FHOD3: variants seen among roughly 807,000 people sequenced by gnomAD.
FHOD3 encodes the protein FH1/FH2 domain-containing protein 3.
FHOD3 carries 90 observed loss-of-function variants against 173.0 expected under a neutral mutation model. The observed-to-expected ratio is 0.52, with a 90% CI of 0.44 to 0.62. The LOEUF (loss-of-function observed/expected upper bound fraction) is 0.62. FHOD3 is among the 20% of genes least tolerant of loss of function. The pLI is 0.00. For missense variants in FHOD3, 1,945 were observed against 2,034.7 expected (o/e 0.96, Z 0.85); for synonymous variants, 828 against 823.0 (o/e 1.01, Z -0.10).
At chr18:36,535,094 T>C (rs2056942520) in intron 5 of FHOD3, among the ~76,000 whole-genome samples, 1 of 152,242 alleles carries the variant, frequency 6.6e-6, no homozygotes, top group Non-Finnish European at 1.5e-5. Flanking sequence ...TTTAAAAATA[T>C]TGCTGTTATC....
intron 8 of FHOD3, among the ~76,000 whole-genome samples, chr18:36,604,493 G>T (rs1408831955): frequency 2.6e-5 from 4 of 152,166 alleles, no homozygotes; most frequent in Non-Finnish European, 5.9e-5. Context: ...TCAGTGTATA[G>T]AACAACTCAC....
intron 6 of FHOD3, among the ~76,000 whole-genome samples, chr18:36,592,660 T>G (rs926400155): frequency 6.6e-6 from 1 of 152,162 alleles, no homozygotes; most frequent in Non-Finnish European, 1.5e-5. Context: ...ACTTAGGCTC[T>G]TCCAGCACTG....
intron 5 of FHOD3, among the ~76,000 whole-genome samples, chr18:36,560,401 G>A (rs1365584679): frequency 3.3e-5 from 5 of 152,210 alleles, no homozygotes; most frequent in Non-Finnish European, 2.9e-5. Context: ...AACATTGCTT[G>A]TTTGGCAAGA....
intron 7 of FHOD3, among the ~76,000 whole-genome samples, chr18:36,596,117 T>C (rs891050465): frequency 2.6e-5 from 4 of 152,080 alleles, no homozygotes; most frequent in Non-Finnish European, 5.9e-5. Context: ...CACTTTTGAT[T>C]CAAACCATTT....
rs745404897 is a variant in FHOD3, at chr18:36,420,012, C to T, written c.337+47268C>T. ...CCGGAGGCATCTGATGCCTCCCAAC[C>T]GGCTACCCTGCTAAGTTACACTTGA... On this transcript the variant is annotated intron_variant, in intron 3 of 28. Coordinates refer to ENST00000590592, the MANE Select transcript of FHOD3 (RefSeq NM_001281740.3). 3.9e-5 allele frequency among the ~76,000 whole-genome samples: 6 copies of T among 152,192 alleles called. No individual in the cohort carries two copies. In the East Asian group the frequency reaches 5.8e-4, roughly 15 times the overall value.
intron 5 of FHOD3, among the ~76,000 whole-genome samples, chr18:36,573,768 C>T (rs2058546405): frequency 6.6e-6 from 1 of 152,184 alleles, no homozygotes; most frequent in South Asian, 2.1e-4. Context: ...ACGCTGAGTT[C>T]TAGGACCATG....
intron 3 of FHOD3, among the ~76,000 whole-genome samples, chr18:36,457,705 T>G (rs1463474375): frequency 1.3e-5 from 2 of 152,048 alleles, no homozygotes. Flanking sequence ...TCCTGAAGTG[T>G]TTTTTTCTCT....
chr18:36,662,158 G>C, intron 14 of FHOD3, among the ~76,000 whole-genome samples: 1 of 152,220 alleles, frequency 6.6e-6, no homozygotes, highest in East Asian at 1.9e-4. Flanking sequence ...GAAAGGCCGG[G>C]CCCATCCTCT....
chr18:36,553,471 C>T (rs2057746883), intron 5 of FHOD3, among the ~76,000 whole-genome samples: 1 of 152,060 alleles, frequency 6.6e-6, no homozygotes, highest in Non-Finnish European at 1.5e-5. Context: ...TGTTGGTAGG[C>T]TATTGATTAT....
intron 1 of FHOD3, among the ~76,000 whole-genome samples, chr18:36,318,783 G>A (rs149174534): frequency 6.6e-6 from 1 of 152,160 alleles, no homozygotes; most frequent in Admixed American, 6.5e-5. Context: ...GTGAGAGAGG[G>A]CATCCTTGTC....
chr18:36,755,881 C>T (rs1173502814), intron 25 of FHOD3, among the ~76,000 whole-genome samples: 1 of 152,116 alleles, frequency 6.6e-6, no homozygotes, highest in Admixed American at 6.5e-5. Context: ...TCCCAGAGGA[C>T]AGTGAATCCA....
At chr18:36,748,382 A>ACACACACAACACAC (rs1555836081) in intron 24 of FHOD3, among the ~76,000 whole-genome samples, 3 of 143,572 alleles carry the variant, frequency 2.1e-5, no homozygotes, top group African/African-American at 7.8e-5. Flanking sequence ...ACACACACAC[A>ACACACACAACACAC]ACACACACAC....
intron 3 of FHOD3, among the ~76,000 whole-genome samples, chr18:36,437,318 T>C (rs1177579558): frequency 6.6e-6 from 1 of 152,220 alleles, no homozygotes; most frequent in African/African-American, 2.4e-5. Context: ...GGTTTCACCA[T>C]GCCTGGCCAA....
chr18:36,745,399 C>T (rs974517354), intron 23 of FHOD3, among the ~76,000 whole-genome samples: 12 of 152,322 alleles, frequency 7.9e-5, no homozygotes, highest in East Asian at 1.9e-4. Flanking sequence ...TGCCTAAACT[C>T]GCCTTCTCTT....
At position 36,685,497 on chromosome 18, in the gene FHOD3, G is replaced by A. The variant is rs565056016; in HGVS notation, c.1971-1631G>A. On this transcript the variant is annotated intron_variant, in intron 15 of 28. Transcript: ENST00000590592. The stretch of plus-strand genomic sequence containing the variant: ...TTATGCTCCTCGTGCTTTTTGCAAA[G>A]CATCTAAAAGTTGTTCTTTATCTAT... Among the ~76,000 whole-genome samples, 4 of 152,282 alleles carry A rather than the reference G, an allele frequency of 2.6e-5. No individual in the cohort carries two copies. In the East Asian group the frequency reaches 7.7e-4, roughly 29 times the overall value.
intron 7 of FHOD3, among the ~76,000 whole-genome samples, chr18:36,598,640 C>A (rs1160963340): frequency 6.6e-6 from 1 of 152,076 alleles, no homozygotes; most frequent in Non-Finnish European, 1.5e-5. Flanking sequence ...GCAAGCTCCA[C>A]CTCTGCGTTA....
At chr18:36,471,970 AT>A (rs1438645449) in intron 3 of FHOD3, among the ~76,000 whole-genome samples, 1 of 152,216 alleles carries the variant, frequency 6.6e-6, no homozygotes, top group Non-Finnish European at 1.5e-5. Flanking sequence ...ATTTCCAACC[AT>A]TTTAGTTCCC....
chr18:36,636,348 G>A lies in FHOD3; in HGVS notation c.1196+10599G>A, dbSNP rs566027447. 5.3e-5 allele frequency among the ~76,000 whole-genome samples: 8 copies of A among 152,310 alleles called. No homozygotes were observed. In the East Asian group the frequency reaches 1.5e-3, roughly 29 times the overall value. On this transcript the variant is annotated intron_variant, in intron 10 of 28. Coordinates refer to ENST00000590592, the MANE Select transcript of FHOD3 (RefSeq NM_001281740.3). Reference sequence around the variant, plus strand: ...AGCTGGGTTGATCAAATGCAGCCATGGAAAGAGAAATGAGATTATTTTTTC... The same window carrying A: ...AGCTGGGTTGATCAAATGCAGCCATAGAAAGAGAAATGAGATTATTTTTTC...
At chr18:36,511,342 A>G (rs12458683) in intron 4 of FHOD3, among the ~76,000 whole-genome samples, 10,089 of 151,576 alleles carry the variant, frequency 0.067, 556 homozygotes, top group South Asian at 0.22. Flanking sequence ...TGGCTAGTTA[A>G]ATGATCTTGC....
Sources: gnomAD v4.1 joint callset for allele counts (sites outside exome capture counted in the v4.1 genomes callset) on GRCh38, gnomAD v4.1.1 for gene constraint, MANE v1.5 for transcripts, NCBI Gene and HGNC (gene_info 2026-07-23, HGNC 2026-07-21) for gene names.